The following KLHL15 variants were observed in gnomAD, a reference collection of about 807,000 sequenced individuals.
The protein encoded by KLHL15 is kelch-like protein 15.
KLHL15 carries 1 observed loss-of-function variant against 29.3 expected under a neutral mutation model. The observed-to-expected ratio is 0.03, with a 90% CI of 0.01 to 0.16. The LOEUF is 0.16. Among genes scored for constraint, KLHL15 ranks in the 10% least tolerant of loss-of-function variants. The pLI is 1.00. For missense variants in KLHL15, 215 were observed against 478.5 expected, an observed-to-expected ratio of 0.45 and a Z score of 5.14; for synonymous variants, 212 against 184.5, an observed-to-expected ratio of 1.15 and a Z score of -1.21.
At chrX:23,993,649 A>T (rs2147098044) in intron 3 of KLHL15, among the ~76,000 whole-genome samples, 1 of 110,495 alleles carries the variant, frequency 9.1e-6, no homozygotes, top group South Asian at 3.9e-4. Flanking sequence ...ACGAATTCCA[A>T]ATGTAAAGCT....
At chrX:23,997,505 G>A (rs1929213706) in intron 3 of KLHL15, among the ~76,000 whole-genome samples, 1 of 108,968 alleles carries the variant, frequency 9.2e-6, no homozygotes. Context: ...AGGGAGGCAG[G>A]TGAACACCTG....
chrX:24,017,349 T>A (rs778067394), intron 2 of KLHL15, among the ~76,000 whole-genome samples: 1 of 111,274 alleles, frequency 9.0e-6, no homozygotes, highest in Admixed American at 9.7e-5. Flanking sequence ...TTGGTTTCCA[T>A]CCATACATTA....
In KLHL15 at chrX:23,988,800, G is replaced by A; in HGVS notation, c.936C>T (p.Gly312=). 1 of 1,211,567 alleles carries A rather than the reference G, an allele frequency of 8.3e-7. No homozygotes were observed. Among genetic ancestry groups the A allele is most frequent in the Non-Finnish European group, 1.1e-6 (1 of 895,480 alleles). The part of the protein sequence containing the change: ...KKPRVWWELE[G]PQVPLRPDCL... ...AGTCAGGTCGCAGAGGTACTTGTGG[G>A]CCTTCTAGCTCCCACCAGACTCTTG... The change falls in exon 4 of 4, where the codon GGC becomes GGT. Residue 312 remains glycine (G), a synonymous_variant. Transcript: ENST00000328046.
At chrX:23,994,328 G>A (rs1399481759) in intron 3 of KLHL15, among the ~76,000 whole-genome samples, 2 of 112,025 alleles carry the variant, frequency 1.8e-5, no homozygotes, top group African/African-American at 3.2e-5. Context: ...AAGTTCTGTA[G>A]TAAGAACTGT....
rs756272558 is a variant in KLHL15 at position 24,013,444 on chromosome X, T to C, written c.-7-6744A>G. Among the ~76,000 whole-genome samples, 4 of 110,103 alleles carry C rather than the reference T, an allele frequency of 3.6e-5. No individual in the cohort carries two copies. The East Asian group carries it at 1.2e-3, about 32-fold the overall frequency. On this transcript the variant is annotated intron_variant, in intron 2 of 3. Coordinates refer to ENST00000328046, the MANE Select transcript of KLHL15 (RefSeq NM_030624.3). ...GACTCGGCTAATTTTTTTTTATTTT[T>C]AGTAGAGAAGGAGTTTCGTCATGTT...
chrX:24,022,639 TAAAA>T (rs34810589), intron 2 of KLHL15, among the ~76,000 whole-genome samples: 1 of 90,729 alleles, frequency 1.1e-5, no homozygotes, highest in Non-Finnish European at 2.2e-5. Flanking sequence ...ACTCTTGTCT[TAAAA>T]AAAAAAAAAA....
At chrX:24,011,264 G>A (rs1929568797) in intron 2 of KLHL15, among the ~76,000 whole-genome samples, 1 of 107,685 alleles carries the variant, frequency 9.3e-6, no homozygotes, top group East Asian at 2.9e-4. Context: ...CCAGCACTTC[G>A]GGAGGCTGAG....
intron 3 of KLHL15, among the ~76,000 whole-genome samples, chrX:24,001,240 G>T (rs1569266716): frequency 8.9e-6 from 1 of 111,747 alleles, no homozygotes; most frequent in Non-Finnish European, 1.9e-5. Flanking sequence ...GAACTAATGT[G>T]TTTTTTCTCT....
intron 3 of KLHL15, among the ~76,000 whole-genome samples, chrX:24,000,664 A>C (rs1231586102): frequency 9.0e-6 from 1 of 111,715 alleles, no homozygotes; most frequent in Non-Finnish European, 1.9e-5. Flanking sequence ...GTTTTTTTCC[A>C]AAGAGTTTTT....
chrX:23,999,265 T>C (rs1250963394), intron 3 of KLHL15, among the ~76,000 whole-genome samples: 1 of 110,320 alleles, frequency 9.1e-6, no homozygotes, highest in Middle Eastern at 4.2e-3. Context: ...TCTTCCTTTT[T>C]AATTTCCAAT....
intron 3 of KLHL15, among the ~76,000 whole-genome samples, chrX:23,998,694 G>T (rs1929245898): frequency 8.9e-6 from 1 of 111,747 alleles, no homozygotes; most frequent in African/African-American, 3.3e-5. Context: ...ACTTTTGAAT[G>T]AACAATGCTT....
At chrX:24,017,414 C>T (rs750546887) in intron 2 of KLHL15, among the ~76,000 whole-genome samples, 2 of 109,409 alleles carry the variant, frequency 1.8e-5, no homozygotes, top group Non-Finnish European at 3.8e-5. Context: ...AATGAATTAA[C>T]CTAAGTGAGA....
chrX:24,010,850 C>T (rs957734526), intron 2 of KLHL15, among the ~76,000 whole-genome samples: 1 of 111,144 alleles, frequency 9.0e-6, no homozygotes, highest in Admixed American at 9.7e-5. Flanking sequence ...GCCAGTGTCA[C>T]CACTCTGTCA....
intron 3 of KLHL15, among the ~76,000 whole-genome samples, chrX:24,004,705 G>A (rs751735022): frequency 3.7e-5 from 4 of 107,833 alleles, no homozygotes; most frequent in East Asian, 5.8e-4. Context: ...CAAGAGAATC[G>A]CTTGAACCTG....
chrX:24,006,075 G>T lies in KLHL15; in HGVS notation c.619C>A (p.His207Asn), dbSNP rs1929441451. The change falls in exon 3 of 4, where the codon CAT becomes AAT. Residue 207 changes from histidine to asparagine, a missense_variant. Coordinates refer to ENST00000328046, the MANE Select transcript of KLHL15 (RefSeq NM_030624.3). ...GTATGTCTCCAGCGTCTTCTATCAT[G>T]CCGCAGCCAAGACTGCACAGCCTCG... ...LYEAVQSWLR[H>N]DRRRWRHTDT... 8.3e-7 allele frequency: 1 copy of T among 1,211,302 alleles called. No homozygotes were observed. Among genetic ancestry groups the T allele is most frequent in the Non-Finnish European group, 1.1e-6 (1 of 895,259 alleles).
chrX:23,991,655 CA>C (rs996095877), intron 3 of KLHL15, among the ~76,000 whole-genome samples: 5 of 111,720 alleles, frequency 4.5e-5, no homozygotes, highest in African/African-American at 1.6e-4. Flanking sequence ...GCCTGGCCAA[CA>C]TGGTGAAACC....
At chrX:23,997,754 A>ATTT (rs1555975595) in intron 3 of KLHL15, among the ~76,000 whole-genome samples, 32 of 67,192 alleles carry the variant, frequency 4.8e-4, no homozygotes, top group Non-Finnish European at 5.9e-4. Flanking sequence ...AAAAAAAAAA[A>ATTT]TTTTTTTTTT....
rs1470971823 is a variant in KLHL15 at position 23,987,601 on chromosome X, C to T, written c.*320G>A. On this transcript the variant is annotated 3_prime_UTR_variant, in exon 4 of 4. Transcript: ENST00000328046. The stretch of plus-strand genomic sequence containing the variant: ...TCCAGTGACACTTATCGGGTCTTCT[C>T]TTAGAAGACACATGACTCCTACGCT... The T allele has an allele frequency of 5.7e-6, 1 of 175,889 alleles. No homozygotes were observed. Among genetic ancestry groups the T allele is most frequent in the African/African-American group, 3.0e-5 (1 of 32,937 alleles). 14.5% of individuals were successfully genotyped at this position (175,889 alleles called of 1,213,427 possible). A position where few individuals can be genotyped will look rare whatever the true frequency, so the allele number is the denominator to read the frequency against.
rs1929002187 is a variant in KLHL15, at chrX:23,987,201, T to C, written c.*720A>G. On this transcript the variant is annotated 3_prime_UTR_variant, in exon 4 of 4. Transcript: ENST00000328046. ...TTTCAACTTTCTAAAAATGTTAATATGTGAAAAGACGTTACATCTAAAATT... is the reference window on the plus strand; with the variant it reads ...TTTCAACTTTCTAAAAATGTTAATACGTGAAAAGACGTTACATCTAAAATT... 1 of 112,036 alleles carries C rather than the reference T, an allele frequency of 8.9e-6. No individual in the cohort carries two copies. The allele number at this position is 112,036 out of a possible 1,213,427, so 9.2% of individuals were successfully genotyped here. A position where few individuals can be genotyped will look rare whatever the true frequency, so the allele number is the denominator to read the frequency against.
Sources: gnomAD v4.1 joint callset for allele counts (sites outside exome capture counted in the v4.1 genomes callset) on GRCh38, gnomAD v4.1.1 for gene constraint, MANE v1.5 for transcripts, NCBI Gene and HGNC (gene_info 2026-07-23, HGNC 2026-07-21) for gene names.